Variants in DGKD observed in about 807,000 individuals in gnomAD.
DGKD encodes the protein DAG kinase delta.
Under a neutral mutation model 154.4 loss-of-function variants are expected in DGKD, and 68 were observed. That is an observed-to-expected ratio of 0.44 (90% CI 0.36 to 0.54). The LOEUF (loss-of-function observed/expected upper bound fraction) is 0.54, where lower values mean the gene tolerates loss of function less well. Ranked by LOEUF, DGKD falls within the 20% of genes least tolerant of loss-of-function variation. The pLI, the probability that DGKD is intolerant of heterozygous loss-of-function variation, is 0.00. For synonymous variants in DGKD, 693 were observed against 638.0 expected, an observed-to-expected ratio of 1.09 and a Z score of -1.30; for missense variants, 1,343 against 1,593.6, an observed-to-expected ratio of 0.84 and a Z score of 2.68.
intron 3 of DGKD, among the ~76,000 whole-genome samples, chr2:233,400,240 A>G (rs886126752): frequency 9.9e-5 from 15 of 152,178 alleles, no homozygotes; most frequent in African/African-American, 3.1e-4. Context: ...ACTAAGTAGG[A>G]AGAGGGCTCA....
rs758235514 is a variant in DGKD, at chr2:233,457,393, G to T, written c.2580+65G>T. ...GGGAAGAGCTGTCTGAGAGCAGGGGGGTGTTCTGCTGTGGCTGGGGTGGAT... is the reference window on the plus strand; with the variant it reads ...GGGAAGAGCTGTCTGAGAGCAGGGGTGTGTTCTGCTGTGGCTGGGGTGGAT... On this transcript the variant is annotated intron_variant, in intron 21 of 29. Transcript: ENST00000264057. This position sits in a 1 kb window ranked among gnomAD's most constrained non-coding sequence, Gnocchi z 5.5. The T allele has an allele frequency of 8.1e-7, 1 of 1,229,254 alleles. No homozygotes were observed. The highest frequency in any genetic ancestry group is 1.2e-6 in the Non-Finnish European group (1 of 835,422). The allele number at this position is 1,229,254 out of a possible 1,614,324, so 76.1% of individuals were successfully genotyped here.
chr2:233,376,906 G>A (rs1177243676), intron 1 of DGKD, among the ~76,000 whole-genome samples: 1 of 151,840 alleles, frequency 6.6e-6, no homozygotes, highest in Non-Finnish European at 1.5e-5. Flanking sequence ...TGCCTTCCCT[G>A]TCTCATCTAC....
In DGKD at chr2:233,387,368, G is replaced by A. The variant is rs1575016737; in HGVS notation, c.157-889G>A. On this transcript the variant is annotated intron_variant, in intron 1 of 29. Coordinates refer to ENST00000264057, the MANE Select transcript of DGKD (RefSeq NM_152879.3). ...CTTGTGGACTGGGCATTTCCGTGAG[G>A]TGGGATGTAACATAGTGTGCGAACG... 2.6e-5 allele frequency among the ~76,000 whole-genome samples: 4 copies of A among 152,284 alleles called. 1 individual carries two copies. The South Asian group carries it at 8.3e-4, about 32-fold the overall frequency.
chr2:233,392,958 TTTTC>T (rs1703729396), intron 3 of DGKD, among the ~76,000 whole-genome samples: 1 of 152,200 alleles, frequency 6.6e-6, no homozygotes, highest in Non-Finnish European at 1.5e-5. Context: ...AGCATTTTTG[TTTTC>T]TTTGTTTTTA....
intron 1 of DGKD, among the ~76,000 whole-genome samples, chr2:233,367,791 C>G (rs893844596): frequency 2.6e-5 from 4 of 151,852 alleles, no homozygotes; most frequent in African/African-American, 9.7e-5. Context: ...GGCTGTCCCC[C>G]TCTGCTGTGT....
At chr2:233,359,022 A>G (rs529220281) in intron 1 of DGKD, among the ~76,000 whole-genome samples, 1 of 152,334 alleles carries the variant, frequency 6.6e-6, no homozygotes, top group Admixed American at 6.5e-5. Context: ...GGAGGGTTCC[A>G]ATTTTTCCAC....
intron 1 of DGKD, among the ~76,000 whole-genome samples, chr2:233,361,466 T>C (rs1028867302): frequency 2.6e-5 from 4 of 151,950 alleles, no homozygotes; most frequent in Admixed American, 2.0e-4. Flanking sequence ...AGTAAAAAAA[T>C]AGACATCAAG....
rs377465249 is a variant in DGKD at position 233,438,350 on chromosome 2, C to T, written c.1056C>T (p.Phe352=). The change falls in exon 9 of 30, where the codon TTC becomes TTT. Residue 352 remains phenylalanine, a synonymous_variant. Coordinates refer to ENST00000264057, the MANE Select transcript of DGKD (RefSeq NM_152879.3). The surrounding 1 kb of genome is among the most constrained non-coding windows in gnomAD (Gnocchi z 4.1). ...AGCTACTAAACCCCGCCCAGGTCTT[C>T]GACCTCATGAACGGAGGCCCACACC... is the stretch of plus-strand genomic sequence containing the variant. ...FKQLLNPAQV[F]DLMNGGPHLG... is the part of the protein sequence containing the mutation. The T allele has an allele frequency of 1.1e-5, 18 of 1,613,834 alleles. No homozygotes were observed. The highest frequency in any genetic ancestry group is 3.3e-5 in the Admixed American group (2 of 59,990).
At chr2:233,465,079 G>A (rs3768802) in intron 27 of DGKD, among the ~76,000 whole-genome samples, 12,931 of 152,268 alleles carry the variant, frequency 0.085, 618 homozygotes, top group South Asian at 0.13. Flanking sequence ...GTTTTTTGAC[G>A]CATGCAATCC....
chr2:233,399,969 G>A (rs1312540546), intron 3 of DGKD, among the ~76,000 whole-genome samples: 3 of 152,124 alleles, frequency 2.0e-5, no homozygotes, highest in Non-Finnish European at 4.4e-5. Context: ...TAACAGTGTT[G>A]AAGGAACATA....
At position 233,468,466 on chromosome 2, in the gene DGKD, C is replaced by T. The variant is rs538736007; in HGVS notation, c.3468C>T (p.His1156=). The T allele has an allele frequency of 1.6e-5, 26 of 1,613,520 alleles. No individual in the cohort carries two copies. The highest frequency in any genetic ancestry group is 1.6e-4 in the Middle Eastern group (1 of 6,062). The change falls in exon 29 of 30, where the codon CAC becomes CAT. Residue 1156 remains histidine, a synonymous_variant. Coordinates refer to ENST00000264057, the MANE Select transcript of DGKD (RefSeq NM_152879.3). ...GTEEVAAWLE[H]LSLCEYKDIF... ...AGGAGGTTGCTGCCTGGCTGGAGCACCTCAGTCTCTGTGAGTATAAGGACA... is the reference window on the plus strand; with the variant it reads ...AGGAGGTTGCTGCCTGGCTGGAGCATCTCAGTCTCTGTGAGTATAAGGACA...
intron 19 of DGKD, among the ~76,000 whole-genome samples, 179 bp from the exon 20 acceptor site, chr2:233,456,720 A>G (rs1293583045): frequency 6.6e-6 from 1 of 152,228 alleles, no homozygotes; most frequent in East Asian, 1.9e-4. Flanking sequence ...TGGTAAACGT[A>G]TCTTTTTATG....
chr2:233,464,671 C>T (rs1007660776), intron 27 of DGKD, among the ~76,000 whole-genome samples: 1 of 152,198 alleles, frequency 6.6e-6, no homozygotes, highest in African/African-American at 2.4e-5. Context: ...AGTTGGTGTG[C>T]GCCACTCCCC....
In DGKD at chr2:233,469,505, G is replaced by A. The variant is rs752567725; in HGVS notation, c.*45G>A. The A allele has an allele frequency of 9.8e-6, 15 of 1,525,780 alleles. No homozygotes were observed. Among genetic ancestry groups the A allele is most frequent in the Non-Finnish European group, 1.3e-5 (15 of 1,123,966 alleles). 94.5% of individuals were successfully genotyped at this position (1,525,780 alleles called of 1,614,324 possible). ...TGGCCTCCACATCCCCGCCGCCGAG[G>A]CCTAGCCTCCGCCCTCTCAGCCTGT... On this transcript the variant is annotated 3_prime_UTR_variant, in exon 30 of 30. Coordinates refer to ENST00000264057, the MANE Select transcript of DGKD (RefSeq NM_152879.3).
At position 233,446,688 on chromosome 2, in the gene DGKD, G is replaced by T. The variant is rs767479319; in HGVS notation, c.1335-24G>T. ...TGTGGGCCTGCACGTCTTGCCGCCT[G>T]TGCAGCTGACCTTGTGTGTGCAGGT... On this transcript the variant is annotated intron_variant, in intron 11 of 29. Coordinates refer to ENST00000264057, the MANE Select transcript of DGKD (RefSeq NM_152879.3). The T allele has an allele frequency of 3.1e-6, 5 of 1,611,166 alleles. No individual in the cohort carries two copies. The South Asian group carries it at 4.4e-5, about 14-fold the overall frequency.
chr2:233,456,034 C>T lies in DGKD; in HGVS notation c.2376-865C>T, dbSNP rs116224840. Among the ~76,000 whole-genome samples the T allele has an allele frequency of 3.3e-3, 507 of 152,296 alleles. 4 individuals are homozygous for T. The highest frequency in any genetic ancestry group is 0.011 in the African/African-American group (475 of 41,550). On this transcript the variant is annotated intron_variant, in intron 19 of 29. Transcript: ENST00000264057. ...CAGGGTAAAATAAGTAGTTGAGGAA[C>T]AGGGGCATGCATAATACATTTCTAG...
intron 3 of DGKD, among the ~76,000 whole-genome samples, chr2:233,425,225 C>T (rs1007128804): frequency 4.6e-5 from 7 of 151,982 alleles, no homozygotes; most frequent in East Asian, 3.8e-4. Flanking sequence ...CACACCCTGT[C>T]GCCCAGGCTG....
In DGKD at chr2:233,438,741, A is replaced by T. The variant is rs1025984941; in HGVS notation, c.1085+362A>T. Reference sequence around the variant, plus strand: ...TCTTTCATTTTATAATTTTTTATTTATCTGTCTATCTATCATCTATCTATC... The same window carrying T: ...TCTTTCATTTTATAATTTTTTATTTTTCTGTCTATCTATCATCTATCTATC... On this transcript the variant is annotated intron_variant, in intron 9 of 29. Coordinates refer to ENST00000264057, the MANE Select transcript of DGKD (RefSeq NM_152879.3). This position sits in a 1 kb window ranked among gnomAD's most constrained non-coding sequence, Gnocchi z 4.1. Among the ~76,000 whole-genome samples the T allele has an allele frequency of 1.1e-5, 1 of 88,022 alleles. No homozygotes were observed. Among genetic ancestry groups the T allele is most frequent in the Admixed American group, 9.7e-5 (1 of 10,284 alleles). The allele number at this position is 88,022 out of a possible 152,430, so 57.7% of individuals were successfully genotyped here. A position where few individuals can be genotyped will look rare whatever the true frequency, so the allele number is the denominator to read the frequency against.
intron 3 of DGKD, among the ~76,000 whole-genome samples, chr2:233,426,515 T>G (rs1001556210): frequency 2.0e-5 from 3 of 152,170 alleles, no homozygotes; most frequent in African/African-American, 7.2e-5. Context: ...TACCATAGAT[T>G]AGTTATGTCT....
Sources: gnomAD v4.1 joint callset for allele counts (sites outside exome capture counted in the v4.1 genomes callset) on GRCh38, gnomAD v4.1.1 for gene constraint, Gnocchi (gnomAD v3.1) non-coding constraint, MANE v1.5 for transcripts, NCBI Gene and HGNC (gene_info 2026-07-23, HGNC 2026-07-21) for gene names.